TNFRSF19: variants seen among roughly 807,000 people sequenced by gnomAD.
TNFRSF19 encodes tumor necrosis factor receptor superfamily member 19.
Under a neutral mutation model 46.4 loss-of-function variants are expected in TNFRSF19, and 27 were observed. The ratio of observed to expected loss-of-function variants is 0.58; its 90% confidence interval spans 0.43 to 0.80. The LOEUF (loss-of-function observed/expected upper bound fraction) is 0.80, where lower values mean the gene tolerates loss of function less well. Ranked by LOEUF, TNFRSF19 falls within the 30% of genes least tolerant of loss-of-function variation. The pLI, the probability that TNFRSF19 is intolerant of heterozygous loss-of-function variation, is 0.00. For synonymous variants in TNFRSF19, 204 were observed against 205.0 expected (o/e 1.00, Z 0.04); for missense variants, 511 against 530.8 (o/e 0.96, Z 0.37).
Position 23,593,432 on chromosome 13 carries a change from G to A in TNFRSF19, c.157G>A (p.Gly53Arg). 1 of 1,603,432 alleles carries A rather than the reference G, an allele frequency of 6.2e-7. No individual in the cohort carries two copies. Among genetic ancestry groups the A allele is most frequent in the Non-Finnish European group, 8.5e-7 (1 of 1,177,222 alleles). ...SGNCVPCNQC[G>R]PGMELSKECG... ...AAACTGTGTTCCCTGCAACCAGTGT[G>A]GGCCAGGCATGGAGTTGTCTAAGGT... The change falls in exon 3 of 10, where the codon GGG (glycine) becomes AGG (arginine). Residue 53 changes from glycine (G) to arginine (R), a missense_variant. Gly to Arg is a moderately radical substitution (Grantham distance 125, BLOSUM62 -2). Coordinates refer to ENST00000248484, the MANE Select transcript of TNFRSF19 (RefSeq NM_148957.4).
At chr13:23,582,222 TACAAAAAAAAAAA>T (rs1331768644) in intron 1 of TNFRSF19, among the ~76,000 whole-genome samples, 3 of 17,642 alleles carry the variant, frequency 1.7e-4, no homozygotes, top group African/African-American at 2.4e-4. Flanking sequence ...CTACTACAAA[TACAAAAAAAAAAA>T]AAAAAAAAAA....
At chr13:23,650,241 T>C (rs917552570) in intron 5 of TNFRSF19, among the ~76,000 whole-genome samples, 11 of 152,234 alleles carry the variant, frequency 7.2e-5, no homozygotes, top group African/African-American at 2.4e-4. Context: ...GTGAAACAAG[T>C]ACAATGTATC....
At chr13:23,605,254 G>A (rs1042935008) in intron 3 of TNFRSF19, among the ~76,000 whole-genome samples, 2 of 152,064 alleles carry the variant, frequency 1.3e-5, no homozygotes, top group Non-Finnish European at 2.9e-5. Context: ...TTTAAGCAAC[G>A]CGATATCACC....
At chr13:23,639,190 C>T (rs1161340041) in intron 5 of TNFRSF19, among the ~76,000 whole-genome samples, 8 of 152,042 alleles carry the variant, frequency 5.3e-5, no homozygotes, top group Admixed American at 5.2e-4. Context: ...GTCAGGAGTT[C>T]GAGACCAGCC....
At chr13:23,598,406 T>C (rs754195108) in intron 3 of TNFRSF19, among the ~76,000 whole-genome samples, 4 of 152,172 alleles carry the variant, frequency 2.6e-5, no homozygotes, top group Non-Finnish European at 4.4e-5. Context: ...CCCTAAATCA[T>C]TGATAACAGA....
intron 4 of TNFRSF19, among the ~76,000 whole-genome samples, chr13:23,625,978 G>A (rs1881974799): frequency 6.6e-6 from 1 of 152,114 alleles, no homozygotes; most frequent in Non-Finnish European, 1.5e-5. Context: ...TTTAAATTAT[G>A]AAACATTCTT....
intron 1 of TNFRSF19, among the ~76,000 whole-genome samples, chr13:23,589,375 A>C (rs1368970620): frequency 6.6e-6 from 1 of 152,236 alleles, no homozygotes. Context: ...TAGATGTTTT[A>C]AGATGAATGC....
intron 5 of TNFRSF19, among the ~76,000 whole-genome samples, chr13:23,647,101 A>G (rs755331829): frequency 6.6e-6 from 1 of 152,020 alleles, no homozygotes. Flanking sequence ...GTCTATTCAA[A>G]TCCTTTGTCT....
intron 3 of TNFRSF19, among the ~76,000 whole-genome samples, chr13:23,595,132 T>C (rs1005847303): frequency 6.6e-6 from 1 of 152,158 alleles, no homozygotes; most frequent in Non-Finnish European, 1.5e-5. Context: ...TAAAGGTAGA[T>C]AAATCCACAA....
chr13:23,586,090 C>T (rs1878808370), intron 1 of TNFRSF19, among the ~76,000 whole-genome samples: 1 of 151,742 alleles, frequency 6.6e-6, no homozygotes, highest in Non-Finnish European at 1.5e-5. Flanking sequence ...AACCCCGTCT[C>T]TACTAAAAAT....
At chr13:23,630,192 A>G (rs1462329720) in intron 5 of TNFRSF19, among the ~76,000 whole-genome samples, 2 of 150,610 alleles carry the variant, frequency 1.3e-5, no homozygotes, top group Admixed American at 6.7e-5. Flanking sequence ...GATTCTAGCT[A>G]CTTGGGAGGC....
In TNFRSF19 at chr13:23,593,288, C is replaced by T. The variant is rs953601539; in HGVS notation, c.70-57C>T. 1.1e-4 allele frequency: 117 copies of T among 1,038,166 alleles called. No homozygotes were observed. The African/African-American group carries it at 1.8e-3, about 16-fold the overall frequency. 64.3% of individuals were successfully genotyped at this position (1,038,166 alleles called of 1,614,324 possible). A position where few individuals can be genotyped will look rare whatever the true frequency, so the allele number is the denominator to read the frequency against. ...TATTGAAAATATTGTTCCTTTCTTG[C>T]AAAAAAAAATGTTTAACATACTTTA... On this transcript the variant is annotated intron_variant, in intron 2 of 9. Coordinates refer to ENST00000248484, the MANE Select transcript of TNFRSF19 (RefSeq NM_148957.4).
intron 5 of TNFRSF19, among the ~76,000 whole-genome samples, chr13:23,632,179 T>G (rs1882398465): frequency 6.6e-6 from 1 of 152,214 alleles, no homozygotes; most frequent in Admixed American, 6.5e-5. Flanking sequence ...AAGTCGGCTG[T>G]GGTCCTCAGA....
intron 3 of TNFRSF19, among the ~76,000 whole-genome samples, chr13:23,612,877 C>T (rs1376135934): frequency 1.3e-5 from 2 of 152,096 alleles, no homozygotes; most frequent in Non-Finnish European, 2.9e-5. Flanking sequence ...ATTACTTGTA[C>T]AGTTTCTCAG....
At chr13:23,632,230 G>A (rs1882400924) in intron 5 of TNFRSF19, among the ~76,000 whole-genome samples, 1 of 152,206 alleles carries the variant, frequency 6.6e-6, no homozygotes, top group African/African-American at 2.4e-5. Context: ...CACTGGCACA[G>A]CTGCTCTTAA....
intron 8 of TNFRSF19, 36 bp from the exon 9 acceptor site, chr13:23,668,656 A>T: frequency 6.4e-7 from 1 of 1,570,224 alleles, no homozygotes; most frequent in Non-Finnish European, 8.6e-7. Flanking sequence ...TTTTCTCCCC[A>T]TCAAAAACTT....
At chr13:23,622,029 C>CT (rs1386921013) in intron 4 of TNFRSF19, among the ~76,000 whole-genome samples, 1 of 152,122 alleles carries the variant, frequency 6.6e-6, no homozygotes, top group Non-Finnish European at 1.5e-5. Context: ...TGAGCATCAC[C>CT]TCTTCATGCG....
Position 23,665,141 on chromosome 13 carries a change from T to G in TNFRSF19, c.737-2839T>G, listed in dbSNP as rs146065492. On this transcript the variant is annotated intron_variant, in intron 7 of 9. Coordinates refer to ENST00000248484, the MANE Select transcript of TNFRSF19 (RefSeq NM_148957.4). ...ATATAGACAAGACTCTTAGACACTA[T>G]TAATGGTAACTGTGTGATCCTTAAA... Among the ~76,000 whole-genome samples, 400 of 152,306 alleles carry G rather than the reference T, an allele frequency of 2.6e-3. 4 individuals carry two copies. In the Middle Eastern group the frequency reaches 0.037, roughly 14 times the overall value.
intron 1 of TNFRSF19, among the ~76,000 whole-genome samples, chr13:23,581,554 AGAT>A (rs1220852501): frequency 6.6e-6 from 1 of 152,136 alleles, no homozygotes; most frequent in Non-Finnish European, 1.5e-5. Flanking sequence ...TTTTAACTTC[AGAT>A]GATAATAGGC....
Sources: gnomAD v4.1 joint callset for allele counts (sites outside exome capture counted in the v4.1 genomes callset) on GRCh38, gnomAD v4.1.1 for gene constraint, MANE v1.5 for transcripts, NCBI Gene and HGNC (gene_info 2026-07-23, HGNC 2026-07-21) for gene names.